The following PIGX variants were observed in gnomAD, a reference collection of about 807,000 sequenced individuals.
PIGX encodes GPI alpha-1,4-mannosyltransferase I, stabilizing subunit.
Under a neutral mutation model 28.7 loss-of-function variants are expected in PIGX, and 24 were observed. The ratio of observed to expected loss-of-function variants is 0.84; its 90% CI spans 0.60 to 1.17. The LOEUF is 1.17. PIGX is among the 50% of genes most tolerant of loss of function. The pLI, the probability that PIGX is intolerant of heterozygous loss-of-function variation, is 0.00. For synonymous variants in PIGX, 127 were observed against 121.0 expected, an observed-to-expected ratio of 1.05 and a Z score of -0.33; for missense variants, 305 against 317.8, an observed-to-expected ratio of 0.96 and a Z score of 0.31.
chr3:196,717,785 C>G (rs1160182329), intron 2 of PIGX: 1 of 152,110 alleles, frequency 6.6e-6, no homozygotes, highest in East Asian at 1.9e-4. Context: ...ATACACTGCT[C>G]TAAATCACTA....
chr3:196,724,377 T>TA (rs1259310321), intron 3 of PIGX, among the ~76,000 whole-genome samples: 3 of 152,224 alleles, frequency 2.0e-5, no homozygotes, highest in Non-Finnish European at 2.9e-5. Flanking sequence ...TTTAAAATAA[T>TA]AGATTTCAAA....
Position 196,712,602 on chromosome 3 carries a change from C to T in PIGX, c.70C>T (p.Arg24Cys). 1.7e-6 allele frequency: 2 copies of T among 1,191,358 alleles called. No individual in the cohort carries two copies. Among genetic ancestry groups the T allele is most frequent in the Non-Finnish European group, 2.1e-6 (2 of 961,888 alleles). The allele number at this position is 1,191,358 out of a possible 1,614,324, so 73.8% of individuals were successfully genotyped here. ...CCTCGGGGCGGCGACCGGGCTCACG[C>T]GCGGGCCCGCCGCGGCCTTCACCGC... is the stretch of plus-strand genomic sequence containing the variant. The change falls in exon 1 of 6, where the codon CGC becomes TGC. Residue 24 changes from arginine (R) to cysteine (C), a missense_variant. Physicochemically the swap from Arg to Cys is radical, Grantham distance 180. Coordinates refer to ENST00000392391, the MANE Select transcript of PIGX (RefSeq NM_017861.4).
intron 5 of PIGX, among the ~76,000 whole-genome samples, chr3:196,732,749 C>T (rs1343633362): frequency 6.6e-6 from 1 of 152,060 alleles, no homozygotes; most frequent in Non-Finnish European, 1.5e-5. Context: ...GGTGTGAAAT[C>T]ATAATTCAGG....
chr3:196,729,476 G>A (rs970806257), intron 4 of PIGX, among the ~76,000 whole-genome samples: 6 of 150,256 alleles, frequency 4.0e-5, no homozygotes, highest in Middle Eastern at 3.2e-3. Flanking sequence ...GCGCAATCTC[G>A]GCTTACCGCA....
chr3:196,728,102 C>CA lies in PIGX; in HGVS notation c.500dup (p.Asn167LysfsTer2), dbSNP rs751173368. The CA allele has an allele frequency of 1.6e-4, 262 of 1,613,944 alleles. No individual in the cohort carries two copies. The highest frequency in any genetic ancestry group is 2.2e-4 in the Non-Finnish European group (257 of 1,180,002). ...AAGATGGAGAAGCCTCGATTGTGGT[C>CA]AATAACCCAGATTTGTTGATGTTTT... On this transcript the variant is annotated frameshift_variant, in exon 4 of 6. Transcript: ENST00000392391. LOFTEE classifies it high-confidence loss of function.
chr3:196,732,753 A>T (rs1294190477), intron 5 of PIGX, among the ~76,000 whole-genome samples: 4 of 152,210 alleles, frequency 2.6e-5, no homozygotes, highest in Non-Finnish European at 5.9e-5. Flanking sequence ...TGAAATCATA[A>T]TTCAGGTATT....
Position 196,728,093 on chromosome 3 carries a change from G to T in PIGX, c.489G>T (p.Ser163=). The T allele has an allele frequency of 6.2e-7, 1 of 1,614,098 alleles. No homozygotes were observed. Among genetic ancestry groups the T allele is most frequent in the Non-Finnish European group, 8.5e-7 (1 of 1,180,000 alleles). Residue 163 remains serine, a synonymous_variant, in exon 4 of 6, where the codon TCG becomes TCT. Transcript: ENST00000392391. ...CGCACAGTGAAGATGGAGAAGCCTC[G>T]ATTGTGGTCAATAACCCAGATTTGT...
chr3:196,728,171 A>G (rs1244281016), intron 4 of PIGX, 35 bp downstream of exon 4: 1 of 1,554,218 alleles, frequency 6.4e-7, no homozygotes. Context: ...GGGTTGAAAC[A>G]TCAGAATAAA....
At chr3:196,726,331 C>G (rs1240888968) in intron 3 of PIGX, among the ~76,000 whole-genome samples, 1 of 151,386 alleles carries the variant, frequency 6.6e-6, no homozygotes, top group Non-Finnish European at 1.5e-5. Context: ...AAAGAATAGG[C>G]AGCTCATGCC....
intron 1 of PIGX, among the ~76,000 whole-genome samples, chr3:196,715,865 G>T (rs1712075827): frequency 6.6e-6 from 1 of 152,106 alleles, no homozygotes; most frequent in Non-Finnish European, 1.5e-5. Flanking sequence ...TTGCTATGTT[G>T]TCCAGGCTTG....
intron 5 of PIGX, among the ~76,000 whole-genome samples, chr3:196,732,254 A>ATT (rs1189283560): frequency 4.2e-5 from 1 of 23,860 alleles, no homozygotes; most frequent in African/African-American, 1.7e-4. Flanking sequence ...ATATATATAT[A>ATT]TATTTTATTT....
chr3:196,724,020 A>ATTTT (rs1438588106), intron 3 of PIGX, among the ~76,000 whole-genome samples: 1 of 146,830 alleles, frequency 6.8e-6, no homozygotes, highest in African/African-American at 2.5e-5. Flanking sequence ...TTTTAATTTA[A>ATTTT]TGTTTTTTTT....
intron 3 of PIGX, 42 bp from the exon 4 acceptor site, chr3:196,727,881 A>T: frequency 1.7e-5 from 22 of 1,307,802 alleles, no homozygotes; most frequent in Non-Finnish European, 2.3e-5. Context: ...AATCTTCCTC[A>T]TTCATTTCTT....
At chr3:196,715,791 C>T (rs1301932087) in intron 1 of PIGX, among the ~76,000 whole-genome samples, 1 of 151,956 alleles carries the variant, frequency 6.6e-6, no homozygotes, top group Non-Finnish European at 1.5e-5. Flanking sequence ...TGGCCTCAAG[C>T]CATGCTCCCA....
chr3:196,732,250 A>ATTT (rs1233871779), intron 5 of PIGX, among the ~76,000 whole-genome samples: 2 of 25,180 alleles, frequency 7.9e-5, no homozygotes, highest in Admixed American at 4.3e-4. Context: ...ATATATATAT[A>ATTT]TATATATTTT....
chr3:196,716,644 C>CT (rs751083145), intron 1 of PIGX, among the ~76,000 whole-genome samples: 1 of 152,134 alleles, frequency 6.6e-6, no homozygotes, highest in Non-Finnish European at 1.5e-5. Context: ...ATCAGGCAAT[C>CT]TAACTCCAGA....
At chr3:196,728,249 G>C in intron 4 of PIGX, 113 bp downstream of exon 4, 1 of 708,504 alleles carries the variant, frequency 1.4e-6, no homozygotes, top group Non-Finnish European at 2.5e-6. Context: ...CTAGGTGGTA[G>C]TTACAAGGGT....
chr3:196,722,695 CTT>C, intron 3 of PIGX, 139 bp downstream of exon 3: 1 of 761,482 alleles, frequency 1.3e-6, no homozygotes, highest in African/African-American at 1.8e-5. Flanking sequence ...TGGGCATAGT[CTT>C]TGACAAGTGA....
rs994288164 is a variant in PIGX, at chr3:196,733,551, A to G, written c.634-208A>G. On this transcript the variant is annotated intron_variant, in intron 5 of 5. Coordinates refer to ENST00000392391, the MANE Select transcript of PIGX (RefSeq NM_017861.4). The surrounding 1 kb of genome is among the most constrained non-coding windows in gnomAD (Gnocchi z 4.3). ...CTTAGCCTCCCTAGTAGCTGGGACTACAGGCACCTGCCACCACACCTGGCT... is the reference window on the plus strand; with the variant it reads ...CTTAGCCTCCCTAGTAGCTGGGACTGCAGGCACCTGCCACCACACCTGGCT... Among the ~76,000 whole-genome samples, 32 of 152,104 alleles carry G rather than the reference A, an allele frequency of 2.1e-4. No individual in the cohort carries two copies. Among genetic ancestry groups the G allele is most frequent in the Admixed American group, 1.8e-3 (27 of 15,266 alleles).
Sources: gnomAD v4.1 joint callset for allele counts (sites outside exome capture counted in the v4.1 genomes callset) on GRCh38, gnomAD v4.1.1 for gene constraint, Gnocchi (gnomAD v3.1) non-coding constraint, MANE v1.5 for transcripts, NCBI Gene and HGNC (gene_info 2026-07-23, HGNC 2026-07-21) for gene names.